The following SPATA13 variants were observed in gnomAD, a reference collection of about 807,000 sequenced individuals.
SPATA13 encodes the protein spermatogenesis-associated protein 13.
In SPATA13, 50 loss-of-function variants were observed where a neutral mutation model predicts 104.0. That is an observed-to-expected ratio of 0.48 (90% CI 0.38 to 0.61). The LOEUF (loss-of-function observed/expected upper bound fraction) is 0.61, where lower values mean the gene tolerates loss of function less well. SPATA13 is among the 20% of genes least tolerant of loss of function. The probability of loss-of-function intolerance (pLI) is 0.00; values close to 1 mark genes in which losing one functional copy is unlikely to be tolerated. For missense variants in SPATA13, 1,524 were observed against 1,690.6 expected (o/e 0.90, Z 1.73); for synonymous variants, 606 against 667.5 (o/e 0.91, Z 1.42).
chr13:24,297,012 TTTGTTG>T (rs565623730), intron 10 of SPATA13, among the ~76,000 whole-genome samples: 1 of 151,922 alleles, frequency 6.6e-6, no homozygotes, highest in Non-Finnish European at 1.5e-5. Flanking sequence ...GGAGTTTGTT[TTTGTTG>T]TTGTTGTTGT....
intron 3 of SPATA13, among the ~76,000 whole-genome samples, chr13:24,048,117 ATGCTAATC>A (rs1878213424): frequency 6.6e-6 from 1 of 152,188 alleles, no homozygotes; most frequent in South Asian, 2.1e-4. Context: ...GGTGATTCAA[ATGCTAATC>A]TCTCCCAGAA....
At chr13:24,009,137 C>T (rs1876359409) in intron 2 of SPATA13, among the ~76,000 whole-genome samples, 1 of 152,180 alleles carries the variant, frequency 6.6e-6, no homozygotes, top group Non-Finnish European at 1.5e-5. Flanking sequence ...CTGCTATCCC[C>T]ACCTAAACTC....
At chr13:23,984,922 G>A (rs1292225403) in intron 2 of SPATA13, among the ~76,000 whole-genome samples, 2 of 152,196 alleles carry the variant, frequency 1.3e-5, no homozygotes, top group Non-Finnish European at 2.9e-5. Context: ...CCTTATTTGA[G>A]CCAGAAATCT....
intron 2 of SPATA13, among the ~76,000 whole-genome samples, chr13:23,989,896 G>A (rs1875328775): frequency 1.3e-5 from 2 of 152,154 alleles, no homozygotes; most frequent in Non-Finnish European, 2.9e-5. Flanking sequence ...CAGTGAGATG[G>A]TACCATCTGT....
At chr13:24,077,137 G>A (rs1879357092) in intron 3 of SPATA13, among the ~76,000 whole-genome samples, 1 of 151,884 alleles carries the variant, frequency 6.6e-6, no homozygotes, top group Admixed American at 6.6e-5. Flanking sequence ...GAACTTAATA[G>A]CAAATAGCTG....
intron 3 of SPATA13, among the ~76,000 whole-genome samples, chr13:24,097,529 C>T (rs1880122082): frequency 6.6e-6 from 1 of 152,068 alleles, no homozygotes; most frequent in African/African-American, 2.4e-5. Flanking sequence ...ACCACACAGC[C>T]TAGTTTCTAA....
At chr13:24,005,225 A>G (rs1477528069) in intron 2 of SPATA13, among the ~76,000 whole-genome samples, 4 of 152,148 alleles carry the variant, frequency 2.6e-5, no homozygotes, top group East Asian at 3.8e-4. Context: ...TAGCCTGGCT[A>G]TTGTGCTCAC....
At chr13:24,006,481 A>G (rs934988191) in intron 2 of SPATA13, among the ~76,000 whole-genome samples, 3 of 152,242 alleles carry the variant, frequency 2.0e-5, no homozygotes, top group Non-Finnish European at 4.4e-5. Context: ...GTGATGTGCG[A>G]AAGAACTGAA....
chr13:24,116,134 T>C (rs889781414), intron 3 of SPATA13, among the ~76,000 whole-genome samples: 8 of 152,214 alleles, frequency 5.3e-5, no homozygotes, highest in Admixed American at 1.3e-4. Context: ...GAGTGGCTCA[T>C]GAACAACAGA....
At position 24,205,573 on chromosome 13, in the gene SPATA13, G is replaced by GA. The variant is rs922192881; in HGVS notation, c.-111-17239dup. On this transcript the variant is annotated intron_variant, in intron 1 of 12. Transcript: ENST00000382108. This position sits in a 1 kb window ranked among gnomAD's most constrained non-coding sequence, Gnocchi z 4.1. Reference sequence around the variant, plus strand: ...ACCATTAACATTCTTCACAGAATTAGAAAAAAACTATTTTAAAATTCATGT... The same window carrying GA: ...ACCATTAACATTCTTCACAGAATTAGAAAAAAAACTATTTTAAAATTCATGT... 3.3e-5 allele frequency among the ~76,000 whole-genome samples: 5 copies of GA among 152,066 alleles called. No homozygotes were observed. The highest frequency in any genetic ancestry group is 4.8e-5 in the African/African-American group (2 of 41,410).
intron 1 of SPATA13, among the ~76,000 whole-genome samples, chr13:24,204,527 A>G (rs1870593068): frequency 6.6e-6 from 1 of 152,180 alleles, no homozygotes; most frequent in African/African-American, 2.4e-5. Flanking sequence ...TTGTGCAACT[A>G]TTACTACCAT....
intron 2 of SPATA13, among the ~76,000 whole-genome samples, chr13:24,004,183 A>G (rs986203413): frequency 3.3e-5 from 5 of 152,190 alleles, no homozygotes; most frequent in Admixed American, 6.5e-5. Context: ...ATGAACCCCG[A>G]GTTTGTAAAT....
rs1301826086 is a variant in SPATA13, at chr13:24,043,227, C to A, written c.-112+25526C>A. On this transcript the variant is annotated intron_variant, in intron 3 of 14. Transcript: ENST00000424834. The stretch of plus-strand genomic sequence containing the variant: ...CCTTAGCTGCCTCGCCTTGGACATG[C>A]GTCTTGGCTATGACAAACATGCAAG... Among the ~76,000 whole-genome samples, 3 of 152,196 alleles carry A rather than the reference C, an allele frequency of 2.0e-5. No individual in the cohort carries two copies. In the East Asian group the frequency reaches 5.8e-4, roughly 29 times the overall value.
At position 24,198,285 on chromosome 13, in the gene SPATA13, A is replaced by G. The variant is rs778758663; in HGVS notation, c.-111-24534A>G. On this transcript the variant is annotated intron_variant, in intron 1 of 12. Coordinates refer to ENST00000382108, the MANE Select transcript of SPATA13 (RefSeq NM_001166271.3). ...TGAGATTACAGGCGTGAGCCACCGC[A>G]CCGAGCCACCTTGTTTTGTTTCCAG... 1.3e-4 allele frequency among the ~76,000 whole-genome samples: 20 copies of G among 152,082 alleles called. 1 individual carries two copies. Among genetic ancestry groups the G allele is most frequent in the Non-Finnish European group, 1.6e-4 (11 of 68,022 alleles).
chr13:24,276,802 C>T (rs1401610646), intron 4 of SPATA13, among the ~76,000 whole-genome samples: 1 of 152,152 alleles, frequency 6.6e-6, no homozygotes, highest in Non-Finnish European at 1.5e-5. Context: ...AGTTGAGGTT[C>T]AAAGCCTATT....
intron 4 of SPATA13, chr13:24,254,421 A>C (rs1287778989): frequency 1.3e-5 from 2 of 152,424 alleles, no homozygotes; most frequent in South Asian, 2.1e-4. Flanking sequence ...CATCCAGGGC[A>C]GTATGGCAAC....
chr13:24,299,621 A>C (rs1461158831), intron 11 of SPATA13, among the ~76,000 whole-genome samples: 1 of 152,252 alleles, frequency 6.6e-6, no homozygotes, highest in East Asian at 1.9e-4. Context: ...AGAGGTAGAG[A>C]GGGAGCCTCG....
intron 2 of SPATA13, among the ~76,000 whole-genome samples, chr13:24,247,241 A>G (rs1201396626): frequency 6.6e-6 from 1 of 152,146 alleles, no homozygotes; most frequent in African/African-American, 2.4e-5. Flanking sequence ...GCAAAGGGGA[A>G]GTTGCTGGAA....
In SPATA13 at chr13:24,184,391, A is replaced by G. The variant is rs574450331; in HGVS notation, c.-112+23459A>G. ...AACCTGCACCTGCTGTGCGGGTCCC[A>G]GCTGGGCCAAGCAGCCACCAGCCCA... On this transcript the variant is annotated intron_variant, in intron 1 of 12. Transcript: ENST00000382108. Among the ~76,000 whole-genome samples the G allele has an allele frequency of 5.9e-5, 9 of 152,326 alleles. No individual in the cohort carries two copies. In the South Asian group the frequency reaches 1.7e-3, roughly 28 times the overall value.
Sources: gnomAD v4.1 joint callset for allele counts (sites outside exome capture counted in the v4.1 genomes callset) on GRCh38, gnomAD v4.1.1 for gene constraint, Gnocchi (gnomAD v3.1) non-coding constraint, MANE v1.5 for transcripts, NCBI Gene and HGNC (gene_info 2026-07-23, HGNC 2026-07-21) for gene names.